The following SERPINB7 variants were observed in gnomAD, a reference collection of about 807,000 sequenced individuals.
SERPINB7 encodes the protein serpin family B member 7.
A neutral mutation model predicts 37.4 loss-of-function variants in SERPINB7; 31 were observed. The ratio of observed to expected loss-of-function variants is 0.83; its 90% CI spans 0.62 to 1.12. The LOEUF (loss-of-function observed/expected upper bound fraction) is 1.12, where lower values mean the gene tolerates loss of function less well. SERPINB7 is among the 50% of genes most tolerant of loss of function. The probability of loss-of-function intolerance (pLI) is 0.00; values close to 1 mark genes in which losing one functional copy is unlikely to be tolerated. For synonymous variants in SERPINB7, 163 were observed against 166.1 expected (o/e 0.98, Z 0.14); for missense variants, 521 against 455.3 (o/e 1.14, Z -1.31).
chr18:63,791,838 C>A (rs1270771209), intron 2 of SERPINB7, among the ~76,000 whole-genome samples: 2 of 152,122 alleles, frequency 1.3e-5, no homozygotes, highest in African/African-American at 4.8e-5. Flanking sequence ...TCTCGATCTC[C>A]TGACCTCGTG....
At chr18:63,766,129 C>T (rs770499270) in intron 1 of SERPINB7, among the ~76,000 whole-genome samples, 1 of 152,100 alleles carries the variant, frequency 6.6e-6, no homozygotes, top group Non-Finnish European at 1.5e-5. Flanking sequence ...GGAAAAGTTT[C>T]CTGGAAGCCA....
chr18:63,765,976 T>C (rs1318151202), intron 1 of SERPINB7, among the ~76,000 whole-genome samples: 5 of 152,162 alleles, frequency 3.3e-5, no homozygotes, highest in African/African-American at 1.2e-4. Context: ...CAGATGTCTC[T>C]GTAATACCTT....
At chr18:63,801,857 T>A (rs1445951491) in intron 7 of SERPINB7, among the ~76,000 whole-genome samples, 1 of 152,188 alleles carries the variant, frequency 6.6e-6, no homozygotes, top group Non-Finnish European at 1.5e-5. Context: ...TTGAGGGGGT[T>A]ACAAATTTTA....
At chr18:63,788,113 T>C (rs1009739944) in intron 2 of SERPINB7, among the ~76,000 whole-genome samples, 11 of 152,214 alleles carry the variant, frequency 7.2e-5, no homozygotes, top group Admixed American at 6.5e-4. Context: ...TATTTTAAAG[T>C]GTACTCCTTC....
At chr18:63,770,572 C>T (rs1005295624), upstream of SERPINB7, among the ~76,000 whole-genome samples, 1 of 151,944 alleles carries the variant, frequency 6.6e-6, no homozygotes, top group Non-Finnish European at 1.5e-5. Context: ...GAATTAATGA[C>T]AGGATTTTTA....
At chr18:63,766,505 G>A (rs185670913) in intron 1 of SERPINB7, among the ~76,000 whole-genome samples, 3 of 152,020 alleles carry the variant, frequency 2.0e-5, no homozygotes, top group East Asian at 1.9e-4. Context: ...ACTGAGAATC[G>A]TGGCATAGCA....
At chr18:63,768,247 T>C (rs1466230770) in intron 1 of SERPINB7, among the ~76,000 whole-genome samples, 1 of 149,208 alleles carries the variant, frequency 6.7e-6, no homozygotes, top group Non-Finnish European at 1.5e-5. Context: ...TATAGATTAT[T>C]GGTTTGAGAC....
At chr18:63,778,259 G>T (rs2049269725) in intron 1 of SERPINB7, 1 of 152,018 alleles carries the variant, frequency 6.6e-6, no homozygotes, top group African/African-American at 2.4e-5. Flanking sequence ...ATACTAATTT[G>T]ATTAGAGGTT....
At chr18:63,767,730 T>A (rs568295737) in intron 1 of SERPINB7, among the ~76,000 whole-genome samples, 3 of 152,038 alleles carry the variant, frequency 2.0e-5, no homozygotes, top group African/African-American at 7.2e-5. Flanking sequence ...CTGGAAAAGA[T>A]TGTGTAATAT....
At chr18:63,785,009 G>C (rs1372911207) in intron 2 of SERPINB7, among the ~76,000 whole-genome samples, 1 of 152,130 alleles carries the variant, frequency 6.6e-6, no homozygotes, top group Non-Finnish European at 1.5e-5. Flanking sequence ...TGTTCTGCTG[G>C]AGTTTGCTCT....
intron 1 of SERPINB7, among the ~76,000 whole-genome samples, chr18:63,757,100 T>G (rs1292626386): frequency 6.6e-6 from 1 of 152,134 alleles, no homozygotes; most frequent in South Asian, 2.1e-4. Context: ...TTTGTTAAAG[T>G]CCCTTGTGGT....
chr18:63,788,222 C>T (rs1300727853), intron 2 of SERPINB7, among the ~76,000 whole-genome samples: 4 of 152,150 alleles, frequency 2.6e-5, no homozygotes, highest in Non-Finnish European at 5.9e-5. Context: ...TATGATGGTG[C>T]CATGCGTGGT....
intron 2 of SERPINB7, among the ~76,000 whole-genome samples, chr18:63,788,308 A>G (rs1486468953): frequency 2.6e-5 from 4 of 152,214 alleles, no homozygotes; most frequent in Non-Finnish European, 4.4e-5. Flanking sequence ...GACTCTGTGT[A>G]GGCCTAGGCT....
At chr18:63,791,507 A>G (rs2049426691) in intron 2 of SERPINB7, among the ~76,000 whole-genome samples, 2 of 152,222 alleles carry the variant, frequency 1.3e-5, no homozygotes, top group South Asian at 4.1e-4. Context: ...ACATGAATTG[A>G]TGACCTAATT....
At chr18:63,786,482 A>G (rs2144621191) in intron 2 of SERPINB7, among the ~76,000 whole-genome samples, 1 of 152,112 alleles carries the variant, frequency 6.6e-6, no homozygotes, top group African/African-American at 2.4e-5. Flanking sequence ...CTAAAATGCA[A>G]CTGAGTTTTA....
chr18:63,789,827 G>A (rs958607421), intron 2 of SERPINB7, among the ~76,000 whole-genome samples: 3 of 152,172 alleles, frequency 2.0e-5, no homozygotes, highest in Admixed American at 6.5e-5. Context: ...ATGCATAAAT[G>A]TTCTTATAGA....
At chr18:63,761,122 C>T (rs1304329712) in intron 1 of SERPINB7, among the ~76,000 whole-genome samples, 2 of 152,228 alleles carry the variant, frequency 1.3e-5, no homozygotes, top group Admixed American at 6.5e-5. Flanking sequence ...CAGGCTGTAT[C>T]CTGCAAAGCC....
chr18:63,762,283 A>G (rs907048955), intron 1 of SERPINB7, among the ~76,000 whole-genome samples: 3 of 152,196 alleles, frequency 2.0e-5, no homozygotes, highest in Non-Finnish European at 4.4e-5. Flanking sequence ...CAAAGGGCAA[A>G]TTTATTAAAA....
intron 1 of SERPINB7, among the ~76,000 whole-genome samples, chr18:63,765,951 T>G (rs1335074337): frequency 6.6e-6 from 1 of 152,170 alleles, no homozygotes; most frequent in Non-Finnish European, 1.5e-5. Context: ...CGTTAGTGGC[T>G]CAAGGCTATC....
Sources: allele counts gnomAD v4.1 joint callset (sites outside exome capture counted in the v4.1 genomes callset), GRCh38; gene constraint gnomAD v4.1.1; transcripts MANE v1.5; gene names NCBI Gene and HGNC (gene_info 2026-07-23, HGNC 2026-07-21).